SIPA1L3: variants seen among roughly 807,000 people sequenced by gnomAD.
SIPA1L3 encodes the protein signal-induced proliferation-associated 1-like protein 3.
Under a neutral mutation model 150.1 loss-of-function variants are expected in SIPA1L3, and 59 were observed. The observed-to-expected ratio is 0.39, with a 90% CI of 0.32 to 0.49. The LOEUF is 0.49. Ranked by LOEUF, SIPA1L3 falls within the 20% of genes least tolerant of loss-of-function variation. SIPA1L3 has a pLI of 0.86. For synonymous variants in SIPA1L3, 1,070 were observed against 1,077.6 expected (o/e 0.99, Z 0.14); for missense variants, 2,211 against 2,489.5 (o/e 0.89, Z 2.38).
intron 15 of SIPA1L3, among the ~76,000 whole-genome samples, chr19:38,179,853 T>C (rs542816736): frequency 6.6e-6 from 1 of 151,430 alleles, no homozygotes; most frequent in South Asian, 2.1e-4. Flanking sequence ...TTTTTTTTTC[T>C]TTTTTTTTAG....
rs1055808771 is a variant in SIPA1L3, at chr19:38,206,475, G to A, written c.*235G>A. 4 of 491,334 alleles carry A rather than the reference G, an allele frequency of 8.1e-6. No individual in the cohort carries two copies. Among genetic ancestry groups the A allele is most frequent in the Non-Finnish European group, 7.1e-6 (2 of 280,746 alleles). The allele number at this position is 491,334 out of a possible 1,614,324, so 30.4% of individuals were successfully genotyped here. A position where few individuals can be genotyped will look rare whatever the true frequency, so the allele number is the denominator to read the frequency against. ...AGGCCTCCCTCCAAGCTGCCCAGCT[G>A]TGGTCCCGGTGAGCTGGGCTGTGCT... On this transcript the variant is annotated 3_prime_UTR_variant, in exon 22 of 22. Coordinates refer to ENST00000222345, the MANE Select transcript of SIPA1L3 (RefSeq NM_015073.3).
chr19:38,100,268 T>A, intron 5 of SIPA1L3, 118 bp downstream of exon 5: 1 of 794,718 alleles, frequency 1.3e-6, no homozygotes, highest in Non-Finnish European at 1.9e-6. Flanking sequence ...GAAACCTACT[T>A]AAGCTGGTTT....
intron 2 of SIPA1L3, among the ~76,000 whole-genome samples, chr19:38,067,553 A>G (rs1969623824): frequency 6.6e-6 from 1 of 152,014 alleles, no homozygotes; most frequent in East Asian, 1.9e-4. Flanking sequence ...ACCTGAGGTC[A>G]GGAGTTCAAG....
At chr19:37,910,837 C>T (rs1276736553) in intron 1 of SIPA1L3, among the ~76,000 whole-genome samples, 1 of 152,284 alleles carries the variant, frequency 6.6e-6, no homozygotes, top group East Asian at 1.9e-4. Context: ...CTCAGGTGAT[C>T]CACCCACCTT....
At chr19:38,138,087 C>T (rs1022539844) in intron 10 of SIPA1L3, among the ~76,000 whole-genome samples, 10 of 152,006 alleles carry the variant, frequency 6.6e-5, no homozygotes, top group South Asian at 2.1e-4. Context: ...GCCAGGATCA[C>T]GCCACTGCAC....
intron 1 of SIPA1L3, among the ~76,000 whole-genome samples, chr19:37,986,825 G>T (rs1967363626): frequency 6.6e-6 from 1 of 152,200 alleles, no homozygotes; most frequent in African/African-American, 2.4e-5. Context: ...TCTGAATTCA[G>T]GGGCATTCAC....
intron 8 of SIPA1L3, among the ~76,000 whole-genome samples, chr19:38,110,622 T>G (rs1001456477): frequency 6.6e-6 from 1 of 152,182 alleles, no homozygotes; most frequent in African/African-American, 2.4e-5. Flanking sequence ...TTGTTTCAAG[T>G]GACAGAAAAC....
chr19:37,985,027 G>A (rs1178601813), intron 1 of SIPA1L3, among the ~76,000 whole-genome samples: 1 of 152,174 alleles, frequency 6.6e-6, no homozygotes, highest in Non-Finnish European at 1.5e-5. Context: ...GTCTGGTGGA[G>A]GAGACAGACT....
chr19:37,980,880 G>A (rs558011641), intron 1 of SIPA1L3, among the ~76,000 whole-genome samples: 11 of 152,372 alleles, frequency 7.2e-5, no homozygotes, highest in Admixed American at 3.3e-4. Flanking sequence ...GTGACCTGGT[G>A]TCTGGGAGGT....
At chr19:38,159,998 C>G (rs1460160870) in intron 13 of SIPA1L3, among the ~76,000 whole-genome samples, 1 of 151,954 alleles carries the variant, frequency 6.6e-6, no homozygotes, top group Non-Finnish European at 1.5e-5. Context: ...TTATGTATGT[C>G]TTTATTTATT....
chr19:38,085,378 G>A (rs1337773448), intron 3 of SIPA1L3, among the ~76,000 whole-genome samples: 1 of 151,788 alleles, frequency 6.6e-6, no homozygotes, highest in Non-Finnish European at 1.5e-5. Flanking sequence ...TACTCGGGAG[G>A]CTGAGGCAGG....
intron 1 of SIPA1L3, chr19:37,932,348 G>A (rs1178439304): frequency 2.6e-5 from 4 of 152,252 alleles, no homozygotes; most frequent in African/African-American, 9.6e-5. Context: ...TGAGTAAGGA[G>A]GCCTTTTCTT....
chr19:37,928,964 C>G (rs766630494), intron 1 of SIPA1L3, among the ~76,000 whole-genome samples: 3 of 152,206 alleles, frequency 2.0e-5, no homozygotes, highest in Non-Finnish European at 4.4e-5. Flanking sequence ...TGCATGGCCA[C>G]AAGATGACTG....
At chr19:38,074,641 A>G (rs867668710) in intron 2 of SIPA1L3, among the ~76,000 whole-genome samples, 1 of 152,400 alleles carries the variant, frequency 6.6e-6, no homozygotes, top group Middle Eastern at 3.4e-3. Context: ...AGTGGAGACA[A>G]TAAACACCAT....
At chr19:37,924,885 C>T (rs1342864864) in intron 1 of SIPA1L3, among the ~76,000 whole-genome samples, 1 of 151,594 alleles carries the variant, frequency 6.6e-6, no homozygotes, top group Admixed American at 6.6e-5. Context: ...CCTCTCTCTA[C>T]TAAAAATACA....
At position 38,142,669 on chromosome 19, in the gene SIPA1L3, C is replaced by T. The variant is rs201468532; in HGVS notation, c.3492C>T (p.Pro1164=). Residue 1164 remains proline (P), a synonymous_variant, in exon 12 of 22, where the codon CCC becomes CCT. Transcript: ENST00000222345. ...AGCCTTCTGGGAGCTTCTCCACCCC[C>T]GGTTCGGCCACCTACGTGAGATACA... ...YRQPSGSFST[P]GSATYVRYKP... is the part of the protein sequence containing the mutation. 7.5e-5 allele frequency: 121 copies of T among 1,614,096 alleles called. No individual in the cohort carries two copies. Among genetic ancestry groups the T allele is most frequent in the Admixed American group, 4.3e-4 (26 of 60,008 alleles).
chr19:38,025,339 A>G (rs927693256), intron 1 of SIPA1L3, among the ~76,000 whole-genome samples: 4 of 150,844 alleles, frequency 2.7e-5, no homozygotes, highest in African/African-American at 9.7e-5. Flanking sequence ...GTGTGCTGGG[A>G]TTGTGGAGGC....
At chr19:38,054,112 A>AG (rs1599959271) in intron 2 of SIPA1L3, among the ~76,000 whole-genome samples, 1 of 151,860 alleles carries the variant, frequency 6.6e-6, no homozygotes, top group East Asian at 2.0e-4. Flanking sequence ...TGGGAGGCCG[A>AG]GGTGGGCGGA....
intron 2 of SIPA1L3, among the ~76,000 whole-genome samples, chr19:38,073,725 G>A (rs1373319312): frequency 6.6e-6 from 1 of 152,168 alleles, no homozygotes; most frequent in Non-Finnish European, 1.5e-5. Context: ...GAAACCAGGG[G>A]TCCCCAGCAA....
Sources: allele counts gnomAD v4.1 joint callset (sites outside exome capture counted in the v4.1 genomes callset), GRCh38; gene constraint gnomAD v4.1.1; transcripts MANE v1.5; gene names NCBI Gene and HGNC (gene_info 2026-07-23, HGNC 2026-07-21).